NBAS: variants seen among roughly 807,000 people sequenced by gnomAD.
NBAS encodes NAG/BC035112 fusion.
NBAS carries 219 observed loss-of-function variants against 302.5 expected under a neutral mutation model. That is an observed-to-expected ratio of 0.72 (90% CI 0.65 to 0.81). The LOEUF is 0.81. Among genes scored for constraint, NBAS ranks in the 30% least tolerant of loss-of-function variants. NBAS has a pLI of 0.00. For missense variants in NBAS, 2,932 were observed against 2,841.6 expected, an observed-to-expected ratio of 1.03 and a Z score of -0.72; for synonymous variants, 1,118 against 1,021.6, an observed-to-expected ratio of 1.09 and a Z score of -1.80.
intron 28 of NBAS, among the ~76,000 whole-genome samples, chr2:15,393,437 T>C (rs1675704093): frequency 6.6e-6 from 1 of 152,090 alleles, no homozygotes; most frequent in Non-Finnish European, 1.5e-5. Flanking sequence ...CAAATGTTGA[T>C]GAGGATATAG....
At chr2:15,069,258 T>C in the NBAS span, among the ~76,000 whole-genome samples, 1 of 152,188 alleles carries the variant, frequency 6.6e-6, no homozygotes, top group African/African-American at 2.4e-5. Flanking sequence ...TCTTTAAGTC[T>C]GACTTGTCAA....
At chr2:14,933,460 A>G in the NBAS span, among the ~76,000 whole-genome samples, 1 of 152,216 alleles carries the variant, frequency 6.6e-6, no homozygotes, top group Non-Finnish European at 1.5e-5. Context: ...TGGGGCAACA[A>G]GGTAACTAAT....
At chr2:15,011,003 C>G in the NBAS span, among the ~76,000 whole-genome samples, 1 of 152,140 alleles carries the variant, frequency 6.6e-6, no homozygotes, top group African/African-American at 2.4e-5. Flanking sequence ...TGATAATTTT[C>G]AAGCCATTGA....
Position 15,374,624 on chromosome 2 carries a change from C to A in NBAS, c.3687G>T (p.Lys1229Asn). 14 of 1,613,780 alleles carry A rather than the reference C, an allele frequency of 8.7e-6. No homozygotes were observed. Among genetic ancestry groups the A allele is most frequent in the Non-Finnish European group, 1.1e-5 (13 of 1,179,716 alleles). ...AVGCLEEFGVKILPLQVRLCP... is the reference protein window; with the variant it reads ...AVGCLEEFGVNILPLQVRLCP... ...AAAACTCACCTTGCAAAGGCAGGAT[C>A]TTTACCCCAAATTCTTCAAGACATC... is the stretch of plus-strand genomic sequence containing the variant. Residue 1229 changes from lysine (K) to asparagine (N), a missense_variant, in exon 31 of 52, where the codon AAG becomes AAT. Coordinates refer to ENST00000281513, the MANE Select transcript of NBAS (RefSeq NM_015909.4).
chr2:15,067,927 C>T, the NBAS span, among the ~76,000 whole-genome samples: 2 of 151,486 alleles, frequency 1.3e-5, no homozygotes, highest in African/African-American at 4.9e-5. Flanking sequence ...TAACTGAGAA[C>T]AATACATAAC....
chr2:15,025,768 C>T, the NBAS span, among the ~76,000 whole-genome samples: 48 of 152,094 alleles, frequency 3.2e-4, no homozygotes, highest in African/African-American at 1.0e-3. Flanking sequence ...TCGGCTTGGG[C>T]GCTGGCAGTG....
At chr2:15,318,281 A>G (rs189677028) in intron 38 of NBAS, among the ~76,000 whole-genome samples, 1 of 152,356 alleles carries the variant, frequency 6.6e-6, no homozygotes, top group Admixed American at 6.5e-5. Flanking sequence ...GGTATCAGCC[A>G]CTGTAAAAAC....
the NBAS span, among the ~76,000 whole-genome samples, chr2:15,146,110 C>G: frequency 6.6e-6 from 1 of 152,220 alleles, no homozygotes; most frequent in South Asian, 2.1e-4. Context: ...AAGTCAGGGG[C>G]TGGCTGGCCT....
At chr2:14,817,325 C>A in the NBAS span, among the ~76,000 whole-genome samples, 1 of 152,174 alleles carries the variant, frequency 6.6e-6, no homozygotes, top group African/African-American at 2.4e-5. Context: ...AGATCCACTT[C>A]CAGGAAGGAC....
At chr2:15,241,648 T>C (rs1222641206) in intron 44 of NBAS, among the ~76,000 whole-genome samples, 2 of 152,158 alleles carry the variant, frequency 1.3e-5, no homozygotes, top group Non-Finnish European at 2.9e-5. Flanking sequence ...TGTAAAACAG[T>C]CAGCACAGTG....
the NBAS span, among the ~76,000 whole-genome samples, chr2:14,813,521 A>C: frequency 6.6e-6 from 1 of 152,202 alleles, no homozygotes; most frequent in East Asian, 1.9e-4. Flanking sequence ...GAGATAATTT[A>C]GGGTACCTAG....
At chr2:15,301,585 A>T (rs997459663) in intron 40 of NBAS, among the ~76,000 whole-genome samples, 1 of 152,234 alleles carries the variant, frequency 6.6e-6, no homozygotes, top group Non-Finnish European at 1.5e-5. Context: ...CCAAGAACAG[A>T]ACACATCCAG....
chr2:15,374,320 T>C (rs1674629456), intron 31 of NBAS, among the ~76,000 whole-genome samples: 1 of 152,182 alleles, frequency 6.6e-6, no homozygotes, highest in Non-Finnish European at 1.5e-5. Context: ...ATCCCCAATA[T>C]CTTTTTTTGT....
At chr2:15,091,217 C>A in the NBAS span, among the ~76,000 whole-genome samples, 6 of 152,246 alleles carry the variant, frequency 3.9e-5, no homozygotes, top group Middle Eastern at 3.4e-3. Context: ...GTCCAGGCCA[C>A]CTTGTGACAC....
rs969458773 is a variant in NBAS, at chr2:15,518,272, T to G, written c.747-6922A>C. On this transcript the variant is annotated intron_variant, in intron 9 of 51. Transcript: ENST00000281513. ...TATGCATTAATGATTATATCTTAAGTATTCTGGGACTGGGACTTACTACTA... is the reference window on the plus strand; with the variant it reads ...TATGCATTAATGATTATATCTTAAGGATTCTGGGACTGGGACTTACTACTA... Among the ~76,000 whole-genome samples, 13 of 152,180 alleles carry G rather than the reference T, an allele frequency of 8.5e-5. No homozygotes were observed. In the South Asian group the frequency reaches 2.3e-3, roughly 27 times the overall value.
intron 30 of NBAS, among the ~76,000 whole-genome samples, 179 bp from the exon 31 acceptor site, chr2:15,374,899 T>C (rs1674659473): frequency 6.6e-6 from 1 of 152,162 alleles, no homozygotes; most frequent in Admixed American, 6.5e-5. Context: ...GCAAACATCA[T>C]CATCTATCTG....
At chr2:15,262,562 G>T (rs572469713) in intron 44 of NBAS, among the ~76,000 whole-genome samples, 27 of 152,118 alleles carry the variant, frequency 1.8e-4, no homozygotes, top group Admixed American at 3.9e-4. Flanking sequence ...ACTCTGGAAG[G>T]TCTGACTATA....
At chr2:14,871,661 A>T in the NBAS span, among the ~76,000 whole-genome samples, 2 of 152,142 alleles carry the variant, frequency 1.3e-5, no homozygotes, top group Non-Finnish European at 2.9e-5. Context: ...GGAGAAAGAG[A>T]AGTATATTAC....
At chr2:15,182,641 T>C (rs567956302) in intron 50 of NBAS, among the ~76,000 whole-genome samples, 2 of 152,310 alleles carry the variant, frequency 1.3e-5, no homozygotes, top group South Asian at 2.1e-4. Context: ...GAATTTTACA[T>C]CTATAAATGC....
Sources: gnomAD v4.1 joint callset for allele counts (sites outside exome capture counted in the v4.1 genomes callset) on GRCh38, gnomAD v4.1.1 for gene constraint, MANE v1.5 for transcripts, NCBI Gene and HGNC (gene_info 2026-07-23, HGNC 2026-07-21) for gene names.